DDC: variants seen among roughly 807,000 people sequenced by gnomAD.
DDC encodes the protein dopa decarboxylase.
DDC carries 43 observed loss-of-function variants against 60.0 expected under a neutral mutation model. The observed-to-expected ratio is 0.72, with a 90% CI of 0.56 to 0.92. DDC has a LOEUF of 0.92. DDC is among the 40% of genes least tolerant of loss of function. The pLI, the probability that DDC is intolerant of heterozygous loss-of-function variation, is 0.00. For missense variants in DDC, 573 were observed against 620.2 expected (o/e 0.92, Z 0.81); for synonymous variants, 232 against 234.6 (o/e 0.99, Z 0.10).
intron 9 of DDC, 73 bp downstream of exon 9, chr7:50,495,277 G>T: frequency 8.7e-7 from 1 of 1,148,062 alleles, no homozygotes; most frequent in Non-Finnish European, 1.3e-6. Context: ...CTTTGGCTCT[G>T]GCATCTTCCC....
chr7:50,474,462 T>C (rs2042597608), intron 11 of DDC, among the ~76,000 whole-genome samples: 1 of 152,120 alleles, frequency 6.6e-6, no homozygotes, highest in Non-Finnish European at 1.5e-5. Context: ...AGGCCCTGGA[T>C]GGAGCAGAAG....
intron 14 of DDC, 39 bp downstream of exon 14, chr7:50,463,174 A>T (rs1036571394): frequency 9.2e-6 from 14 of 1,519,896 alleles, no homozygotes; most frequent in Non-Finnish European, 1.3e-5. Context: ...TTGCCACGGG[A>T]CAAGGAGACA....
At chr7:50,549,569 G>A (rs2044914425) in intron 1 of DDC, among the ~76,000 whole-genome samples, 1 of 151,712 alleles carries the variant, frequency 6.6e-6, no homozygotes, top group Non-Finnish European at 1.5e-5. Flanking sequence ...CAACAGAATG[G>A]CATGAACCTG....
chr7:50,533,927 C>T (rs2044302081), intron 4 of DDC, among the ~76,000 whole-genome samples: 1 of 152,190 alleles, frequency 6.6e-6, no homozygotes, highest in Admixed American at 6.5e-5. Flanking sequence ...TGCTCAGACA[C>T]AGGTATGCAG....
intron 13 of DDC, among the ~76,000 whole-genome samples, chr7:50,465,232 A>T (rs2042368577): frequency 1.3e-5 from 2 of 152,206 alleles, no homozygotes; most frequent in Admixed American, 6.5e-5. Flanking sequence ...ACCTACAGAG[A>T]CAGAAAACAG....
intron 7 of DDC, among the ~76,000 whole-genome samples, chr7:50,502,774 TGGTGC>T (rs2043291541): frequency 6.6e-6 from 1 of 152,260 alleles, no homozygotes; most frequent in Non-Finnish European, 1.5e-5. Context: ...ACCTTTGGGA[TGGTGC>T]ATTTTCCCTG....
Position 50,529,292 on chromosome 7 carries a change from T to G in DDC, c.486A>C (p.Lys162Asn), listed in dbSNP as rs764518800. 1 of 1,614,170 alleles carries G rather than the reference T, an allele frequency of 6.2e-7. No individual in the cohort carries two copies. The highest frequency in any genetic ancestry group is 1.3e-5 in the African/African-American group (1 of 75,056). Residue 162 changes from lysine (K) to asparagine (N), a missense_variant, in exon 5 of 15, where the codon AAA becomes AAC. Coordinates refer to ENST00000444124, the MANE Select transcript of DDC (RefSeq NM_001082971.2). ...TLVALLAARTKVIHRLQAASP... is the reference protein window; with the variant it reads ...TLVALLAARTNVIHRLQAASP... ...ACGCTGCCTGCAGCCGATGGATCAC[T>G]TTGGTCCGAGCGGCCAGCAGGGCCA... is the stretch of plus-strand genomic sequence containing the variant.
At chr7:50,551,899 G>A (rs1413432095) in intron 1 of DDC, among the ~76,000 whole-genome samples, 5 of 151,936 alleles carry the variant, frequency 3.3e-5, no homozygotes, top group African/African-American at 1.2e-4. Flanking sequence ...CCCTCCTGGG[G>A]GGCCACACAT....
intron 10 of DDC, among the ~76,000 whole-genome samples, chr7:50,478,419 A>G (rs1369829861): frequency 6.6e-6 from 1 of 152,252 alleles, no homozygotes; most frequent in Non-Finnish European, 1.5e-5. Flanking sequence ...AGCACTCAGT[A>G]GCCACATGCG....
intron 5 of DDC, 27 bp downstream of exon 5, chr7:50,529,181 T>A: frequency 6.2e-7 from 1 of 1,612,512 alleles, no homozygotes; most frequent in Non-Finnish European, 8.5e-7. Context: ...CTTGAAGTCT[T>A]GGCTGATACC....
chr7:50,557,374 A>C lies in DDC; in HGVS notation c.-29+7911T>G, dbSNP rs2045219793. On this transcript the variant is annotated intron_variant, in intron 1 of 14. Coordinates refer to ENST00000444124, the MANE Select transcript of DDC (RefSeq NM_001082971.2). ...CTGTAACCATGCTGTGACCTTAGTT[A>C]ATGCTGGCTGGAAAAATTCATAACT... Among the ~76,000 whole-genome samples the C allele has an allele frequency of 2.0e-5, 3 of 152,218 alleles. 1 individual carries two copies. The South Asian group carries it at 6.2e-4, about 32-fold the overall frequency.
intron 6 of DDC, among the ~76,000 whole-genome samples, chr7:50,512,245 T>A (rs1195542313): frequency 6.6e-6 from 1 of 152,164 alleles, no homozygotes; most frequent in Non-Finnish European, 1.5e-5. Context: ...ATAGCTATAT[T>A]AATTTTAGAC....
At chr7:50,523,579 CAT>C (rs2043956898) in intron 6 of DDC, among the ~76,000 whole-genome samples, 1 of 152,102 alleles carries the variant, frequency 6.6e-6, no homozygotes, top group Non-Finnish European at 1.5e-5. Flanking sequence ...TGCTCAACAT[CAT>C]ATGTTATTAC....
chr7:50,511,277 A>G (rs1585208597), intron 6 of DDC, among the ~76,000 whole-genome samples: 3 of 150,972 alleles, frequency 2.0e-5, no homozygotes, highest in African/African-American at 7.3e-5. Context: ...AGATAGAGAT[A>G]TAATAGAGTA....
chr7:50,474,335 C>T (rs887246847), intron 11 of DDC, among the ~76,000 whole-genome samples: 5 of 152,146 alleles, frequency 3.3e-5, no homozygotes, highest in African/African-American at 1.2e-4. Flanking sequence ...GAGAGTGAGG[C>T]TCAGCACTAA....
chr7:50,495,496 A>G, intron 8 of DDC, 79 bp from the exon 9 acceptor site: 2 of 1,191,254 alleles, frequency 1.7e-6, no homozygotes, highest in Non-Finnish European at 2.4e-6. Flanking sequence ...CATACATGAT[A>G]ATAAAAGTTT....
intron 5 of DDC, 69 bp from the exon 6 acceptor site, chr7:50,528,349 G>C (rs778022580): frequency 6.3e-7 from 1 of 1,599,674 alleles, no homozygotes; most frequent in Non-Finnish European, 8.6e-7. Flanking sequence ...GCCCTGGATC[G>C]GCAGAGAGCA....
chr7:50,479,945 G>T, intron 9 of DDC, 82 bp from the exon 10 acceptor site: 1 of 1,095,304 alleles, frequency 9.1e-7, no homozygotes, highest in Non-Finnish European at 1.4e-6. Flanking sequence ...ACCTGCCTCA[G>T]CTCAGGCACC....
chr7:50,481,660 C>T (rs2042771659), intron 9 of DDC, among the ~76,000 whole-genome samples: 2 of 152,054 alleles, frequency 1.3e-5, no homozygotes, highest in South Asian at 4.2e-4. Context: ...TATTCCTGTC[C>T]CTCACCTACT....
Sources: allele counts gnomAD v4.1 joint callset (sites outside exome capture counted in the v4.1 genomes callset), GRCh38; gene constraint gnomAD v4.1.1; transcripts MANE v1.5; gene names NCBI Gene and HGNC (gene_info 2026-07-23, HGNC 2026-07-21).